SLC1A2: variants seen among roughly 807,000 people sequenced by gnomAD.
SLC1A2 encodes solute carrier family 1 member 2.
SLC1A2 carries 15 observed loss-of-function variants against 48.8 expected under a neutral mutation model. That is an observed-to-expected ratio of 0.31 (90% CI 0.21 to 0.47). The LOEUF is 0.47. Among genes scored for constraint, SLC1A2 ranks in the 20% least tolerant of loss-of-function variants. The pLI is 0.99. For missense variants in SLC1A2, 502 were observed against 730.5 expected (o/e 0.69, Z 3.61); for synonymous variants, 279 against 272.6 (o/e 1.02, Z -0.23).
At chr11:35,314,137 ATT>A (rs1233231642) in intron 3 of SLC1A2, among the ~76,000 whole-genome samples, 1 of 152,226 alleles carries the variant, frequency 6.6e-6, no homozygotes, top group Non-Finnish European at 1.5e-5. Context: ...GTAATTAATT[ATT>A]TTAGTCAAAG....
At chr11:35,383,624 G>A (rs1291586192) in intron 1 of SLC1A2, among the ~76,000 whole-genome samples, 1 of 152,218 alleles carries the variant, frequency 6.6e-6, no homozygotes, top group Non-Finnish European at 1.5e-5. Context: ...TCATGGGGTT[G>A]TTCTGAAGAT....
chr11:35,323,446 T>C (rs1313147197), intron 1 of SLC1A2: 2 of 152,266 alleles, frequency 1.3e-5, no homozygotes, highest in Non-Finnish European at 2.9e-5. Context: ...AAGGTTTAAG[T>C]ATCAATTTTG....
intron 7 of SLC1A2, among the ~76,000 whole-genome samples, chr11:35,288,857 C>T (rs1042536549): frequency 6.7e-6 from 1 of 149,906 alleles, no homozygotes. Flanking sequence ...ATTAAGTCGA[C>T]TGGGAAAAAT....
chr11:35,283,409 C>T (rs988568540), intron 8 of SLC1A2, among the ~76,000 whole-genome samples: 1 of 152,278 alleles, frequency 6.6e-6, no homozygotes, highest in African/African-American at 2.4e-5. Flanking sequence ...CCAGAGGTAG[C>T]CCTTGTGGTG....
At chr11:35,324,347 T>C (rs1053370947) in intron 1 of SLC1A2, among the ~76,000 whole-genome samples, 1 of 152,210 alleles carries the variant, frequency 6.6e-6, no homozygotes, top group Non-Finnish European at 1.5e-5. Context: ...AATCACATAA[T>C]TACATGGCCA....
chr11:35,341,110 A>T (rs939847309), intron 1 of SLC1A2, among the ~76,000 whole-genome samples: 3 of 152,194 alleles, frequency 2.0e-5, no homozygotes, highest in African/African-American at 7.2e-5. Context: ...CAATATGCCA[A>T]ACTATCTGAA....
In SLC1A2 at chr11:35,273,318, G is replaced by C. The variant is rs112861626; in HGVS notation, c.1421+7549C>G. On this transcript the variant is annotated intron_variant, in intron 9 of 10. Transcript: ENST00000278379. The stretch of plus-strand genomic sequence containing the variant: ...CACATGGGGTTAGGGAAGAAAAGGA[G>C]ATCCACGTAAGCATTGGCTAAGAGC... Among the ~76,000 whole-genome samples, 1,008 of 152,278 alleles carry C rather than the reference G, an allele frequency of 6.6e-3. 10 individuals carry two copies. The highest frequency in any genetic ancestry group is 0.023 in the African/African-American group (955 of 41,548).
intron 5 of SLC1A2, among the ~76,000 whole-genome samples, chr11:35,304,077 T>G (rs1160200841): frequency 1.3e-5 from 2 of 152,134 alleles, no homozygotes; most frequent in Admixed American, 1.3e-4. Context: ...TAATTTTTCT[T>G]TGTAAACATT....
intron 7 of SLC1A2, among the ~76,000 whole-genome samples, chr11:35,290,178 T>G (rs61882292): frequency 6.6e-6 from 1 of 152,022 alleles, no homozygotes; most frequent in African/African-American, 2.4e-5. Context: ...GCTTCAAAAC[T>G]GTCAATGTGC....
chr11:35,406,399 G>A (rs772825366), intron 1 of SLC1A2, among the ~76,000 whole-genome samples: 1 of 152,170 alleles, frequency 6.6e-6, no homozygotes, highest in Admixed American at 6.5e-5. Context: ...AGGGGAATGA[G>A]GTAGGACTAG....
At chr11:35,359,337 T>C (rs1395952396) in intron 1 of SLC1A2, among the ~76,000 whole-genome samples, 3 of 152,218 alleles carry the variant, frequency 2.0e-5, no homozygotes, top group African/African-American at 7.2e-5. Context: ...TTCTTCAAGA[T>C]CCAATCATGG....
chr11:35,391,598 C>G (rs74492731), intron 1 of SLC1A2: 2 of 152,224 alleles, frequency 1.3e-5, no homozygotes, highest in Non-Finnish European at 2.9e-5. Context: ...CCCACCTGAC[C>G]GTCAACCAGT....
intron 1 of SLC1A2, among the ~76,000 whole-genome samples, chr11:35,348,121 G>A (rs1853108442): frequency 6.6e-6 from 1 of 152,188 alleles, no homozygotes; most frequent in South Asian, 2.1e-4. Flanking sequence ...TGCTCTGCAG[G>A]AGGAATTGTT....
At chr11:35,314,888 C>T (rs532837407) in intron 3 of SLC1A2, 135 bp downstream of exon 3, 258 of 568,866 alleles carry the variant, frequency 4.5e-4, no homozygotes, top group African/African-American at 8.6e-4. Context: ...ATTTCAGAGA[C>T]GGGAAAACCA....
At chr11:35,411,335 T>A (rs1445770156) in intron 1 of SLC1A2, among the ~76,000 whole-genome samples, 1 of 152,262 alleles carries the variant, frequency 6.6e-6, no homozygotes, top group African/African-American at 2.4e-5. Flanking sequence ...GTGTTGTTGG[T>A]TGATAACCAT....
At chr11:35,414,274 CT>C in intron 1 of SLC1A2, among the ~76,000 whole-genome samples, 1 of 152,084 alleles carries the variant, frequency 6.6e-6, no homozygotes, top group Non-Finnish European at 1.5e-5. Context: ...GAAAATGGGT[CT>C]TCTTTTTAAA....
At chr11:35,309,985 G>T (rs892989610) in intron 4 of SLC1A2, among the ~76,000 whole-genome samples, 1 of 152,162 alleles carries the variant, frequency 6.6e-6, no homozygotes, top group African/African-American at 2.4e-5. Context: ...AATGGCTCAG[G>T]TCTCTATTCC....
intron 1 of SLC1A2, among the ~76,000 whole-genome samples, chr11:35,397,249 G>A (rs1485995945): frequency 7.1e-4 from 106 of 148,446 alleles, no homozygotes; most frequent in African/African-American, 2.3e-3. Flanking sequence ...GAACAAAGCC[G>A]GAGGCATCAC....
intron 1 of SLC1A2, among the ~76,000 whole-genome samples, chr11:35,360,745 T>C (rs927692643): frequency 1.2e-4 from 19 of 152,348 alleles, no homozygotes; most frequent in African/African-American, 4.3e-4. Context: ...GCTGTTGTTT[T>C]GAGGTAGGTT....
Sources: gnomAD v4.1 joint callset for allele counts (sites outside exome capture counted in the v4.1 genomes callset) on GRCh38, gnomAD v4.1.1 for gene constraint, MANE v1.5 for transcripts, NCBI Gene and HGNC (gene_info 2026-07-23, HGNC 2026-07-21) for gene names.